The following CNTNAP5 variants were observed in gnomAD, a reference collection of about 807,000 sequenced individuals.
The protein encoded by CNTNAP5 is contactin associated protein family member 5.
CNTNAP5 carries 72 observed loss-of-function variants against 150.2 expected under a neutral mutation model. That is an observed-to-expected ratio of 0.48 (90% CI 0.40 to 0.58). The LOEUF is 0.58. CNTNAP5 is among the 20% of genes least tolerant of loss of function. The probability of loss-of-function intolerance (pLI) is 0.00; values close to 1 mark genes in which losing one functional copy is unlikely to be tolerated. For missense variants in CNTNAP5, 1,636 were observed against 1,626.2 expected, an observed-to-expected ratio of 1.01 and a Z score of -0.10; for synonymous variants, 672 against 619.8, an observed-to-expected ratio of 1.08 and a Z score of -1.25.
intron 13 of CNTNAP5, among the ~76,000 whole-genome samples, chr2:124,744,230 C>G (rs1055215852): frequency 2.6e-5 from 4 of 152,020 alleles, no homozygotes; most frequent in African/African-American, 9.6e-5. Context: ...ATAAGTCTTA[C>G]AAGATCTGAT....
intron 7 of CNTNAP5, among the ~76,000 whole-genome samples, chr2:124,483,003 T>C (rs934574005): frequency 6.6e-6 from 1 of 152,228 alleles, no homozygotes; most frequent in Non-Finnish European, 1.5e-5. Flanking sequence ...CCCGGATTAC[T>C]CGCTGTTTCT....
chr2:124,287,614 A>G (rs542941840), intron 3 of CNTNAP5, among the ~76,000 whole-genome samples: 5 of 152,246 alleles, frequency 3.3e-5, no homozygotes, highest in African/African-American at 1.2e-4. Context: ...GTATCCACAG[A>G]TTTACCTACC....
chr2:124,503,940 C>T (rs1300477597), intron 7 of CNTNAP5, among the ~76,000 whole-genome samples: 1 of 152,162 alleles, frequency 6.6e-6, no homozygotes, highest in African/African-American at 2.4e-5. Flanking sequence ...TTTTTTAGCA[C>T]GTTCCACATT....
At chr2:124,614,015 T>A (rs1677443290) in intron 12 of CNTNAP5, among the ~76,000 whole-genome samples, 1 of 152,168 alleles carries the variant, frequency 6.6e-6, no homozygotes, top group Non-Finnish European at 1.5e-5. Context: ...GATAAGGAAG[T>A]TAAAGAGTAA....
intron 13 of CNTNAP5, among the ~76,000 whole-genome samples, chr2:124,703,751 G>C (rs1003719473): frequency 1.3e-5 from 2 of 152,132 alleles, no homozygotes; most frequent in Non-Finnish European, 2.9e-5. Context: ...CTGCATTGCA[G>C]CTGCTGAGCC....
At chr2:124,452,087 G>A (rs144754544) in intron 6 of CNTNAP5, among the ~76,000 whole-genome samples, 6 of 152,188 alleles carry the variant, frequency 3.9e-5, no homozygotes, top group African/African-American at 7.2e-5. Flanking sequence ...GAATCCACAG[G>A]TCGGGGAAGC....
chr2:124,266,658 T>C (rs918867577), intron 3 of CNTNAP5, among the ~76,000 whole-genome samples: 1 of 152,314 alleles, frequency 6.6e-6, no homozygotes, highest in East Asian at 1.9e-4. Context: ...GGGATGATCA[T>C]ATTTGACTGA....
intron 11 of CNTNAP5, among the ~76,000 whole-genome samples, chr2:124,582,576 A>G (rs1696439351): frequency 6.6e-6 from 1 of 152,150 alleles, no homozygotes; most frequent in Admixed American, 6.5e-5. Context: ...GGGGGCTGCC[A>G]GCTTGTCTGG....
chr2:124,457,682 C>T (rs976678854), intron 6 of CNTNAP5, among the ~76,000 whole-genome samples: 3 of 151,968 alleles, frequency 2.0e-5, no homozygotes, highest in African/African-American at 7.2e-5. Context: ...ATTAGCTGAT[C>T]TTCCTTTTAT....
chr2:124,158,937 C>T (rs557473142), intron 1 of CNTNAP5, among the ~76,000 whole-genome samples: 7 of 152,218 alleles, frequency 4.6e-5, no homozygotes, highest in South Asian at 4.1e-4. Flanking sequence ...AAGATGCCCT[C>T]GACACCCACA....
chr2:124,634,730 G>C (rs13001870), intron 12 of CNTNAP5, among the ~76,000 whole-genome samples: 65,030 of 151,814 alleles, frequency 0.43, 15,806 homozygotes, highest in Non-Finnish European at 0.56. Context: ...TCTCAAACTC[G>C]TGAGCTCAAG....
chr2:124,854,452 C>T (rs555837848), intron 19 of CNTNAP5, among the ~76,000 whole-genome samples: 1 of 152,080 alleles, frequency 6.6e-6, no homozygotes, highest in East Asian at 1.9e-4. Flanking sequence ...TCTTTAGTAC[C>T]AGGTTAGGTG....
At chr2:124,352,945 C>A (rs1444158626) in intron 3 of CNTNAP5, among the ~76,000 whole-genome samples, 1 of 152,122 alleles carries the variant, frequency 6.6e-6, no homozygotes, top group East Asian at 1.9e-4. Flanking sequence ...AGTAGTGATG[C>A]TTTGGGCCTC....
intron 3 of CNTNAP5, among the ~76,000 whole-genome samples, chr2:124,297,815 TATTATTATTA>T (rs1558839200): frequency 2.6e-3 from 204 of 78,140 alleles, no homozygotes; most frequent in South Asian, 1.4e-3. Context: ...AATTATTTAT[TATTATTATTA>T]TTATTATTAT....
chr2:124,033,157 G>T (rs1163280481), intron 1 of CNTNAP5, among the ~76,000 whole-genome samples: 1 of 152,182 alleles, frequency 6.6e-6, no homozygotes, highest in African/African-American at 2.4e-5. Flanking sequence ...ATTCTTGGGG[G>T]TTGATTAATG....
intron 1 of CNTNAP5, among the ~76,000 whole-genome samples, chr2:124,069,517 T>A (rs116654832): frequency 0.013 from 1,992 of 152,138 alleles, 45 homozygotes; most frequent in African/African-American, 0.045. Flanking sequence ...CAGGTAGTGA[T>A]TACAGCAGGA....
chr2:124,691,709 G>A (rs1409169489), intron 13 of CNTNAP5, among the ~76,000 whole-genome samples: 1 of 151,962 alleles, frequency 6.6e-6, no homozygotes, highest in Non-Finnish European at 1.5e-5. Flanking sequence ...TGCGCTCAGT[G>A]GTCCCAGTTT....
intron 9 of CNTNAP5, 60 bp from the exon 10 acceptor site, chr2:124,527,225 C>A: frequency 6.7e-7 from 1 of 1,485,244 alleles, no homozygotes; most frequent in South Asian, 1.2e-5. Context: ...ATCAATAGGT[C>A]GCCAAAGCAA....
chr2:124,363,473 T>C (rs918141358), intron 3 of CNTNAP5, among the ~76,000 whole-genome samples: 1 of 152,182 alleles, frequency 6.6e-6, no homozygotes, highest in African/African-American at 2.4e-5. Context: ...TCCCAGTGGA[T>C]TGCACTTCCA....
Sources: gnomAD v4.1 joint callset for allele counts (sites outside exome capture counted in the v4.1 genomes callset) on GRCh38, gnomAD v4.1.1 for gene constraint, MANE v1.5 for transcripts, NCBI Gene and HGNC (gene_info 2026-07-23, HGNC 2026-07-21) for gene names.